Variants in MUC22 observed in about 807,000 individuals in gnomAD.
MUC22 encodes mucin 22.
Under a neutral mutation model 40.3 loss-of-function variants are expected in MUC22, and 24 were observed. The observed-to-expected ratio is 0.60, with a 90% CI of 0.43 to 0.84. MUC22 has a LOEUF of 0.84. Among genes scored for constraint, MUC22 ranks in the 40% least tolerant of loss-of-function variants. The pLI is 0.00. For missense variants in MUC22, 1,926 were observed against 2,130.7 expected (o/e 0.90, Z 1.89); for synonymous variants, 765 against 844.5 (o/e 0.91, Z 1.63).
exon 2 of MUC22, chr6:31,029,810 C>T: frequency 1.4e-6 from 2 of 1,475,542 alleles, no homozygotes; most frequent in Non-Finnish European, 1.8e-6. Context: ...ACAGCCTCCA[C>T]TTCAGGCTCT....
exon 2 of MUC22, chr6:31,027,120 T>G (rs1765458367): frequency 6.7e-7 from 1 of 1,494,664 alleles, no homozygotes; most frequent in African/African-American, 1.4e-5. Context: ...CCATAGGCCC[T>G]GAGACCACCA....
At chr6:31,021,081 G>A (rs910461679) in intron 1 of MUC22, among the ~76,000 whole-genome samples, 1 of 152,234 alleles carries the variant, frequency 6.6e-6, no homozygotes, top group Admixed American at 6.5e-5. Context: ...CAGTCCCACC[G>A]ACCGCCCACG....
In MUC22 at chr6:31,011,224, G is replaced by T. The variant is rs1279733512; in HGVS notation, c.70+448G>T. ...TTTGTTTTTTTTCCATAGGTTATTT[G>T]GGTACAGGTGATATTTGGTTATGTA... On this transcript the variant is annotated intron_variant, in intron 1 of 3. Coordinates refer to ENST00000561890, the Ensembl canonical transcript of MUC22. This position sits in a 1 kb window ranked among gnomAD's most constrained non-coding sequence, Gnocchi z 4.5. Among the ~76,000 whole-genome samples the T allele has an allele frequency of 1.3e-5, 2 of 151,146 alleles. No individual in the cohort carries two copies. Among genetic ancestry groups the T allele is most frequent in the Non-Finnish European group, 2.9e-5 (2 of 67,836 alleles).
At chr6:31,027,313 G>A (rs567001093) in exon 2 of MUC22, 4 of 1,533,178 alleles carry the variant, frequency 2.6e-6, no homozygotes, top group Non-Finnish European at 3.5e-6. Flanking sequence ...GACCACCACA[G>A]CCTCTACTGA....
intron 1 of MUC22, among the ~76,000 whole-genome samples, chr6:31,019,185 CA>C (rs35874034): frequency 0.15 from 22,106 of 152,160 alleles, 1,767 homozygotes; most frequent in African/African-American, 0.19. Context: ...AACTAATTTC[CA>C]ACTCTGCGTA....
chr6:31,020,538 G>T (rs747786734), intron 1 of MUC22, among the ~76,000 whole-genome samples: 1 of 147,020 alleles, frequency 6.8e-6, no homozygotes, highest in Non-Finnish European at 1.5e-5. Flanking sequence ...TCTGCCTCCC[G>T]GTGAGAGGTG....
At chr6:31,027,922 G>A in exon 2 of MUC22, 5 of 1,534,022 alleles carry the variant, frequency 3.3e-6, no homozygotes, top group Non-Finnish European at 4.4e-6. Context: ...AGACTCTACT[G>A]AAGGCTCTGG....
chr6:31,015,300 TTTG>T (rs1764115739), intron 1 of MUC22, among the ~76,000 whole-genome samples: 1 of 152,106 alleles, frequency 6.6e-6, no homozygotes, highest in African/African-American at 2.4e-5. Context: ...GCTAGAAAAG[TTTG>T]TTAAGATGTC....
At chr6:31,029,577 C>T (rs1765852845) in exon 2 of MUC22, 3 of 1,530,834 alleles carry the variant, frequency 2.0e-6, no homozygotes, top group South Asian at 2.4e-5. Flanking sequence ...CTACCACTAG[C>T]TCTGAGACCA....
At chr6:31,006,583 G>A (rs1052515512), upstream of MUC22, among the ~76,000 whole-genome samples, 2 of 152,152 alleles carry the variant, frequency 1.3e-5, no homozygotes, top group Non-Finnish European at 2.9e-5. Context: ...TTGTGCTTGC[G>A]TAGGGGCAGG....
chr6:31,016,825 C>T (rs1394490501), intron 1 of MUC22, among the ~76,000 whole-genome samples: 1 of 152,230 alleles, frequency 6.6e-6, no homozygotes, highest in African/African-American at 2.4e-5. Flanking sequence ...GGGCTGCCTG[C>T]GGCACTTGCG....
At chr6:31,017,925 A>C (rs1445551647) in intron 1 of MUC22, among the ~76,000 whole-genome samples, 4 of 152,234 alleles carry the variant, frequency 2.6e-5, no homozygotes, top group African/African-American at 9.6e-5. Flanking sequence ...CTTTGAGTCC[A>C]CACTGCGTTT....
At chr6:31,007,610 G>A (rs1187998469), upstream of MUC22, among the ~76,000 whole-genome samples, 1 of 152,170 alleles carries the variant, frequency 6.6e-6, no homozygotes, top group African/African-American at 2.4e-5. This position sits in a 1 kb window ranked among gnomAD's most constrained non-coding sequence, Gnocchi z 4.0. Context: ...AGATGGCAGC[G>A]AGAATCTGGA....
At chr6:31,028,123 G>A (rs1268545855) in exon 2 of MUC22, 1 of 1,533,900 alleles carries the variant, frequency 6.5e-7, no homozygotes, top group African/African-American at 1.4e-5. Flanking sequence ...GACCACTACA[G>A]TCTCCACCAC....
rs1271006554 is a variant in MUC22, at chr6:31,027,273, G to A, written c.1842G>A (p.Glu614=). 5.3e-6 allele frequency: 8 copies of A among 1,510,548 alleles called. 1 individual carries two copies. The highest frequency in any genetic ancestry group is 6.2e-6 in the Non-Finnish European group (7 of 1,129,054). 93.6% of individuals were successfully genotyped at this position (1,510,548 alleles called of 1,614,324 possible). ...CCACAGCCTCCATCATGGGCTCTGA[G>A]ACCAGCACAGATTCTACCACAGGCT... Residue 614 remains glutamate, a synonymous_variant, in exon 2 of 4, where the codon GAG becomes GAA. Transcript: ENST00000561890.
chr6:31,007,155 TA>T (rs1391633342), upstream of MUC22, among the ~76,000 whole-genome samples: 7 of 152,216 alleles, frequency 4.6e-5, no homozygotes, highest in African/African-American at 7.2e-5. This position sits in a 1 kb window ranked among gnomAD's most constrained non-coding sequence, Gnocchi z 4.0. Flanking sequence ...AAATGTATGA[TA>T]AAAAATTTAG....
At chr6:31,026,278 A>C (rs62399434) in exon 2 of MUC22, 1 of 1,293,724 alleles carries the variant, frequency 7.7e-7, no homozygotes. Flanking sequence ...AATCCTGATT[A>C]AAGCCTCTGA....
chr6:31,023,195 A>G (rs1029967223), intron 1 of MUC22, among the ~76,000 whole-genome samples: 2 of 151,826 alleles, frequency 1.3e-5, no homozygotes, highest in East Asian at 3.9e-4. Flanking sequence ...AAATGGAGGA[A>G]AAGGTAAGAA....
exon 2 of MUC22, chr6:31,025,865 C>A: frequency 6.5e-7 from 1 of 1,535,458 alleles, no homozygotes; most frequent in African/African-American, 1.4e-5. Flanking sequence ...ACTATAGCCT[C>A]CACTACAGTC....
Sources: allele counts gnomAD v4.1 joint callset (sites outside exome capture counted in the v4.1 genomes callset), GRCh38; gene constraint gnomAD v4.1.1; non-coding constraint Gnocchi (gnomAD v3.1); transcripts MANE v1.5; gene names NCBI Gene and HGNC (gene_info 2026-07-23, HGNC 2026-07-21).